Variants in SLC25A12 observed in about 807,000 individuals in gnomAD.
SLC25A12 encodes solute carrier family 25 member 12.
Under a neutral mutation model 83.3 loss-of-function variants are expected in SLC25A12, and 32 were observed. The observed-to-expected ratio is 0.38, with a 90% CI of 0.29 to 0.52. SLC25A12 has a LOEUF of 0.52. Ranked by LOEUF, SLC25A12 falls within the 20% of genes least tolerant of loss-of-function variation. The pLI is 0.84. For synonymous variants in SLC25A12, 267 were observed against 291.1 expected (o/e 0.92, Z 0.84); for missense variants, 611 against 835.6 (o/e 0.73, Z 3.31).
At chr2:171,884,595 C>T (rs185294138) in intron 2 of SLC25A12, among the ~76,000 whole-genome samples, 2 of 151,420 alleles carry the variant, frequency 1.3e-5, no homozygotes, top group African/African-American at 2.4e-5. Context: ...CATGATGATA[C>T]CCCCATCTCT....
chr2:171,813,557 G>A (rs1683989834), intron 10 of SLC25A12, 60 bp from the exon 11 acceptor site: 1 of 1,523,090 alleles, frequency 6.6e-7, no homozygotes, highest in Admixed American at 1.7e-5. Flanking sequence ...GAGTCCATAA[G>A]GATGACAAAT....
intron 11 of SLC25A12, among the ~76,000 whole-genome samples, chr2:171,812,901 A>G (rs1683977640): frequency 6.6e-6 from 1 of 152,012 alleles, no homozygotes; most frequent in South Asian, 2.1e-4. Context: ...CAGTTGAAAT[A>G]AATATATGGA....
chr2:171,809,609 G>A lies in SLC25A12; in HGVS notation c.1302C>T (p.Gly434=), dbSNP rs1451768338. 6.2e-7 allele frequency: 1 copy of A among 1,612,400 alleles called. No homozygotes were observed. The highest frequency in any genetic ancestry group is 1.7e-5 in the Admixed American group (1 of 60,004). ...VPLPAEVLAG[G]CAGGSQVIFT... ...AGCGCCTAACAGTAATACTTACACAGCCTCCAGCAAGAACTTCTGCTGGAA... is the reference window on the plus strand; with the variant it reads ...AGCGCCTAACAGTAATACTTACACAACCTCCAGCAAGAACTTCTGCTGGAA... The change falls in exon 13 of 18, where the codon GGC becomes GGT. Residue 434 remains glycine, a synonymous_variant. Coordinates refer to ENST00000422440, the MANE Select transcript of SLC25A12 (RefSeq NM_003705.5).
intron 3 of SLC25A12, among the ~76,000 whole-genome samples, chr2:171,866,289 C>T (rs1269376953): frequency 7.7e-6 from 1 of 130,394 alleles, no homozygotes; most frequent in Admixed American, 7.8e-5. Context: ...ACCTTTCCCC[C>T]CTTTCTATTC....
intron 9 of SLC25A12, among the ~76,000 whole-genome samples, chr2:171,817,397 T>C (rs1684075832): frequency 6.6e-6 from 1 of 151,378 alleles, no homozygotes; most frequent in Non-Finnish European, 1.5e-5. Context: ...AGTTCAGGAG[T>C]TCAAGACCAG....
intron 4 of SLC25A12, chr2:171,845,741 T>C (rs1349743256): frequency 6.7e-6 from 3 of 447,598 alleles, no homozygotes; most frequent in South Asian, 1.6e-5. Context: ...CTAGAGTCAA[T>C]ATAATAGCTC....
At chr2:171,838,428 CA>C (rs1434568245) in intron 5 of SLC25A12, among the ~76,000 whole-genome samples, 1 of 152,140 alleles carries the variant, frequency 6.6e-6, no homozygotes, top group Non-Finnish European at 1.5e-5. Flanking sequence ...GTCCCCATGG[CA>C]AAGATATTCC....
chr2:171,886,447 G>GT (rs199558269), intron 2 of SLC25A12, among the ~76,000 whole-genome samples: 18,215 of 132,490 alleles, frequency 0.14, 1,363 homozygotes, highest in Admixed American at 0.22. Context: ...TGCCTAGGCT[G>GT]TTTTTTTTTT....
At chr2:171,815,225 A>C (rs772095896) in intron 9 of SLC25A12, 23 bp from the exon 10 acceptor site, 1 of 1,582,148 alleles carries the variant, frequency 6.3e-7, no homozygotes, top group Admixed American at 1.7e-5. Context: ...AAACGGGTAA[A>C]AAAAAATCTT....
rs543307685 is a variant in SLC25A12 at position 171,867,091 on chromosome 2, C to T, written c.209+1590G>A. Among the ~76,000 whole-genome samples, 23 of 150,820 alleles carry T rather than the reference C, an allele frequency of 1.5e-4. No individual in the cohort carries two copies. The East Asian group carries it at 3.5e-3, about 23-fold the overall frequency. ...CAGACGATGGGCGGCCGGGCAGAGACGCTCCTCACTTCCTAGATGGGATGG... is the reference window on the plus strand; with the variant it reads ...CAGACGATGGGCGGCCGGGCAGAGATGCTCCTCACTTCCTAGATGGGATGG... On this transcript the variant is annotated intron_variant, in intron 3 of 17. Coordinates refer to ENST00000422440, the MANE Select transcript of SLC25A12 (RefSeq NM_003705.5).
intron 9 of SLC25A12, among the ~76,000 whole-genome samples, chr2:171,818,770 C>T (rs1574695565): frequency 1.3e-5 from 2 of 152,062 alleles, no homozygotes; most frequent in Non-Finnish European, 2.9e-5. Context: ...CAAGTCAAAC[C>T]TGCCCAAACC....
At chr2:171,847,746 T>C (rs544013481) in intron 4 of SLC25A12, among the ~76,000 whole-genome samples, 17 of 152,318 alleles carry the variant, frequency 1.1e-4, no homozygotes, top group Admixed American at 8.5e-4. Flanking sequence ...TTCTGACATA[T>C]AGAAAACAAA....
At chr2:171,815,265 C>T (rs17848724) in intron 9 of SLC25A12, 63 bp from the exon 10 acceptor site, 88 of 1,116,022 alleles carry the variant, frequency 7.9e-5, no homozygotes, top group Non-Finnish European at 1.2e-4. Context: ...GAAAAAGCTA[C>T]AATTTGACTA....
At position 171,827,689 on chromosome 2, in the gene SLC25A12, G is replaced by A. The variant is rs78181694; in HGVS notation, c.846-807C>T. Among the ~76,000 whole-genome samples the A allele has an allele frequency of 5.0e-4, 76 of 152,250 alleles. 1 individual carries two copies. The highest frequency in any genetic ancestry group is 1.8e-3 in the African/African-American group (76 of 41,552). Reference sequence around the variant, plus strand: ...TATACTTTTGCTTCAATACATCTATGCTTTTGTCTTCTATTGCTTTGTTTG... The same window carrying A: ...TATACTTTTGCTTCAATACATCTATACTTTTGTCTTCTATTGCTTTGTTTG... On this transcript the variant is annotated intron_variant, in intron 8 of 17. Transcript: ENST00000422440.
chr2:171,799,746 C>T (rs1474073754), intron 13 of SLC25A12, among the ~76,000 whole-genome samples: 1 of 152,240 alleles, frequency 6.6e-6, no homozygotes, highest in Non-Finnish European at 1.5e-5. Flanking sequence ...TTGTGCACTA[C>T]TAACTCATTT....
intron 3 of SLC25A12, among the ~76,000 whole-genome samples, chr2:171,866,827 C>T (rs1685329623): frequency 6.7e-6 from 1 of 150,338 alleles, no homozygotes; most frequent in Admixed American, 6.6e-5. Context: ...CCCCCACCTC[C>T]CTCCCGGACG....
intron 9 of SLC25A12, among the ~76,000 whole-genome samples, chr2:171,820,600 C>T (rs1458702397): frequency 1.5e-5 from 2 of 132,448 alleles, no homozygotes; most frequent in African/African-American, 2.6e-5. Context: ...CAGTGGCGGG[C>T]GCCTGTAGTC....
chr2:171,829,312 A>G (rs1384948970), intron 8 of SLC25A12, among the ~76,000 whole-genome samples: 1 of 152,184 alleles, frequency 6.6e-6, no homozygotes, highest in African/African-American at 2.4e-5. Context: ...GCAGGCCTTC[A>G]TGGCCCTATA....
chr2:171,813,597 C>A (rs572975899), intron 10 of SLC25A12, 100 bp from the exon 11 acceptor site: 1 of 1,253,136 alleles, frequency 8.0e-7, no homozygotes, highest in Non-Finnish European at 1.2e-6. Flanking sequence ...AAATAAAACA[C>A]AACATGTATT....
Sources: gnomAD v4.1 joint callset for allele counts (sites outside exome capture counted in the v4.1 genomes callset) on GRCh38, gnomAD v4.1.1 for gene constraint, MANE v1.5 for transcripts, NCBI Gene and HGNC (gene_info 2026-07-23, HGNC 2026-07-21) for gene names.